FRMD3: variants seen among roughly 807,000 people sequenced by gnomAD.
The protein encoded by FRMD3 is FERM domain containing 3.
A neutral mutation model predicts 70.2 loss-of-function variants in FRMD3; 33 were observed. The observed-to-expected ratio is 0.47, with a 90% CI of 0.36 to 0.63. The LOEUF (loss-of-function observed/expected upper bound fraction) is 0.63. FRMD3 is among the 20% of genes least tolerant of loss of function. The pLI is 0.00. For synonymous variants in FRMD3, 279 were observed against 255.9 expected (o/e 1.09, Z -0.86); for missense variants, 632 against 711.4 (o/e 0.89, Z 1.27).
At chr9:83,318,727 T>C (rs1587719038) in intron 6 of FRMD3, among the ~76,000 whole-genome samples, 1 of 152,306 alleles carries the variant, frequency 6.6e-6, no homozygotes, top group East Asian at 1.9e-4. Context: ...ATCTCCACAC[T>C]GTTCCCCCAA....
intron 3 of FRMD3, among the ~76,000 whole-genome samples, chr9:83,361,064 G>C (rs1359830194): frequency 6.6e-6 from 1 of 152,190 alleles, no homozygotes; most frequent in Non-Finnish European, 1.5e-5. Context: ...CAACGCTGGA[G>C]ACACTCCATG....
intron 1 of FRMD3, among the ~76,000 whole-genome samples, chr9:83,515,199 A>G (rs999377405): frequency 3.9e-5 from 6 of 152,330 alleles, no homozygotes; most frequent in Admixed American, 3.3e-4. Flanking sequence ...TTCTAACCTA[A>G]TGCAAGGAAG....
At position 83,246,669 on chromosome 9, in the gene FRMD3, TCACA is replaced by T. The variant is rs373107249; in HGVS notation, c.*1245_*1248del. 4.6e-6 allele frequency: 4 copies of T among 866,254 alleles called. No homozygotes were observed. The African/African-American group carries it at 5.5e-5, about 12-fold the overall frequency. 53.7% of individuals were successfully genotyped at this position (866,254 alleles called of 1,614,324 possible). On this transcript the variant is annotated 3_prime_UTR_variant, in exon 14 of 14. Coordinates refer to ENST00000304195, the MANE Select transcript of FRMD3 (RefSeq NM_174938.6). ...CTCTCTCTCTCTCTCTCTCTCTCTCTCACACACACACACACGCACACTCACATAC... is the reference window on the plus strand; with the variant it reads ...CTCTCTCTCTCTCTCTCTCTCTCTCTCACACACACACGCACACTCACATAC...
At chr9:83,517,124 G>A (rs1469272956) in intron 1 of FRMD3, among the ~76,000 whole-genome samples, 1 of 152,022 alleles carries the variant, frequency 6.6e-6, no homozygotes, top group Non-Finnish European at 1.5e-5. Context: ...TAAAATCAGA[G>A]CAGAACTGAA....
chr9:83,517,636 A>G (rs1033083825), intron 1 of FRMD3, among the ~76,000 whole-genome samples: 3 of 152,158 alleles, frequency 2.0e-5, no homozygotes, highest in African/African-American at 4.8e-5. Context: ...CCCTAACTCA[A>G]TATATGAGGC....
chr9:83,462,732 A>C (rs1335257022), intron 1 of FRMD3, among the ~76,000 whole-genome samples: 1 of 152,182 alleles, frequency 6.6e-6, no homozygotes, highest in Non-Finnish European at 1.5e-5. Flanking sequence ...TCTTCCAGCA[A>C]TTTCGGCTGC....
chr9:83,305,271 A>T (rs1835084922), intron 10 of FRMD3, among the ~76,000 whole-genome samples: 2 of 152,186 alleles, frequency 1.3e-5, no homozygotes, highest in Non-Finnish European at 2.9e-5. Flanking sequence ...AATGAAAAGG[A>T]GTGGGCTCTT....
chr9:83,264,662 G>A (rs926246861), intron 13 of FRMD3, among the ~76,000 whole-genome samples: 1 of 152,120 alleles, frequency 6.6e-6, no homozygotes, highest in Admixed American at 6.6e-5. Context: ...AAGCAATGCA[G>A]GGGAAACCTG....
intron 1 of FRMD3, among the ~76,000 whole-genome samples, chr9:83,418,311 A>G (rs1324543572): frequency 6.6e-6 from 1 of 152,182 alleles, no homozygotes; most frequent in Non-Finnish European, 1.5e-5. Flanking sequence ...TTCTGCACAG[A>G]AAAAGAAATA....
intron 3 of FRMD3, among the ~76,000 whole-genome samples, chr9:83,358,507 G>A (rs945293597): frequency 1.3e-5 from 2 of 152,082 alleles, no homozygotes; most frequent in Admixed American, 1.3e-4. Flanking sequence ...CACTGAATTT[G>A]TAAATTGCCT....
intron 1 of FRMD3, among the ~76,000 whole-genome samples, chr9:83,454,768 A>G (rs1354962164): frequency 6.6e-6 from 1 of 152,198 alleles, no homozygotes; most frequent in Non-Finnish European, 1.5e-5. Flanking sequence ...AGTAGCTTGC[A>G]GGGCTTTTAT....
chr9:83,522,161 A>G (rs554274597), intron 1 of FRMD3, among the ~76,000 whole-genome samples: 2 of 152,268 alleles, frequency 1.3e-5, no homozygotes, highest in Non-Finnish European at 2.9e-5. Flanking sequence ...AGATTCTCTT[A>G]TTCACACTTG....
intron 1 of FRMD3, among the ~76,000 whole-genome samples, chr9:83,443,208 G>A (rs564676816): frequency 6.6e-6 from 1 of 152,190 alleles, no homozygotes; most frequent in East Asian, 1.9e-4. Flanking sequence ...TGTTACATAT[G>A]CATACATGTG....
intron 1 of FRMD3, among the ~76,000 whole-genome samples, chr9:83,510,630 G>A (rs1829317661): frequency 6.6e-6 from 1 of 152,190 alleles, no homozygotes; most frequent in Non-Finnish European, 1.5e-5. Flanking sequence ...CCATCGACCA[G>A]TGAATGGATC....
chr9:83,445,042 C>T (rs574826055), intron 1 of FRMD3, among the ~76,000 whole-genome samples: 1 of 152,142 alleles, frequency 6.6e-6, no homozygotes, highest in Non-Finnish European at 1.5e-5. Context: ...CTCGGCACCA[C>T]CTATTAGCCA....
chr9:83,296,884 C>G (rs1337440398), intron 12 of FRMD3, among the ~76,000 whole-genome samples: 1 of 152,150 alleles, frequency 6.6e-6, no homozygotes, highest in Non-Finnish European at 1.5e-5. Context: ...GCCCATGGAC[C>G]AGCCGCGTGA....
chr9:83,503,896 T>C (rs576398468), intron 1 of FRMD3, among the ~76,000 whole-genome samples: 2 of 152,272 alleles, frequency 1.3e-5, no homozygotes, highest in African/African-American at 2.4e-5. Context: ...AAAAGGAAGA[T>C]ATAGCTTGAG....
chr9:83,256,633 T>A (rs1395918193), intron 13 of FRMD3, among the ~76,000 whole-genome samples: 1 of 151,792 alleles, frequency 6.6e-6, no homozygotes, highest in Non-Finnish European at 1.5e-5. Flanking sequence ...AGGTCTAATG[T>A]CCACAGTCTA....
At chr9:83,281,060 G>A (rs2118905506) in intron 13 of FRMD3, among the ~76,000 whole-genome samples, 1 of 152,258 alleles carries the variant, frequency 6.6e-6, no homozygotes, top group East Asian at 1.9e-4. Flanking sequence ...AGCACACACT[G>A]CCCAACACTT....
Sources: gnomAD v4.1 joint callset for allele counts (sites outside exome capture counted in the v4.1 genomes callset) on GRCh38, gnomAD v4.1.1 for gene constraint, MANE v1.5 for transcripts, NCBI Gene and HGNC (gene_info 2026-07-23, HGNC 2026-07-21) for gene names.